Variants in SPOCK3 observed in about 807,000 individuals in gnomAD.
The protein encoded by SPOCK3 is testican-3.
In SPOCK3, 30 loss-of-function variants were observed where a neutral mutation model predicts 56.6. The observed-to-expected ratio is 0.53, with a 90% CI of 0.40 to 0.72. The LOEUF is 0.72. SPOCK3 is among the 30% of genes least tolerant of loss of function. The pLI is 0.00. For synonymous variants in SPOCK3, 196 were observed against 183.3 expected, an observed-to-expected ratio of 1.07 and a Z score of -0.56; for missense variants, 527 against 530.0, an observed-to-expected ratio of 0.99 and a Z score of 0.06.
chr4:166,811,910 C>T (rs1743850926), intron 6 of SPOCK3, among the ~76,000 whole-genome samples: 1 of 151,638 alleles, frequency 6.6e-6, no homozygotes. Flanking sequence ...ATTGAGACTG[C>T]CTAGATTGGC....
At chr4:167,102,212 A>G (rs1317736932) in intron 2 of SPOCK3, among the ~76,000 whole-genome samples, 3 of 152,000 alleles carry the variant, frequency 2.0e-5, no homozygotes, top group African/African-American at 7.2e-5. Flanking sequence ...CTCTTTTTTC[A>G]GCTGTTATTT....
At chr4:167,161,014 C>T (rs975283875) in intron 2 of SPOCK3, among the ~76,000 whole-genome samples, 2 of 152,042 alleles carry the variant, frequency 1.3e-5, no homozygotes, top group Non-Finnish European at 2.9e-5. Context: ...ACACCAAAAG[C>T]CATGGCAACA....
intron 6 of SPOCK3, among the ~76,000 whole-genome samples, chr4:166,799,668 C>T (rs1191796496): frequency 6.6e-6 from 1 of 152,126 alleles, no homozygotes; most frequent in East Asian, 1.9e-4. Flanking sequence ...TGGCAAACAA[C>T]TTTAATCTGC....
chr4:167,203,550 T>A (rs1733723532), intron 2 of SPOCK3, among the ~76,000 whole-genome samples: 1 of 139,964 alleles, frequency 7.1e-6, no homozygotes, highest in Non-Finnish European at 1.5e-5. Context: ...GATATTTCTA[T>A]CTGATTAAAA....
chr4:166,990,449 T>A (rs1254208060), intron 4 of SPOCK3, among the ~76,000 whole-genome samples: 1 of 151,884 alleles, frequency 6.6e-6, no homozygotes. Context: ...AAGAAAATAG[T>A]AAAATAAAGC....
chr4:166,920,771 C>T (rs996197208), intron 4 of SPOCK3, among the ~76,000 whole-genome samples: 1 of 152,064 alleles, frequency 6.6e-6, no homozygotes, highest in African/African-American at 2.4e-5. Context: ...ATTGAAAACA[C>T]ATTTTTATAT....
chr4:167,071,274 G>T (rs1756649267), intron 2 of SPOCK3, among the ~76,000 whole-genome samples: 1 of 152,016 alleles, frequency 6.6e-6, no homozygotes, highest in South Asian at 2.1e-4. Context: ...AAGTTCTAAG[G>T]TACATGTGCA....
At chr4:167,193,801 T>C (rs1732682812) in intron 2 of SPOCK3, among the ~76,000 whole-genome samples, 1 of 145,908 alleles carries the variant, frequency 6.9e-6, no homozygotes, top group Non-Finnish European at 1.5e-5. Flanking sequence ...TTTAATTTTT[T>C]CTCTGTCTGA....
intron 4 of SPOCK3, among the ~76,000 whole-genome samples, chr4:166,927,027 T>C (rs757575589): frequency 1.6e-4 from 25 of 152,066 alleles, no homozygotes; most frequent in Non-Finnish European, 2.2e-4. Flanking sequence ...CTCTAAAAAG[T>C]CCACATATAT....
chr4:167,205,892 A>T (rs185790785), intron 2 of SPOCK3, among the ~76,000 whole-genome samples: 1 of 151,862 alleles, frequency 6.6e-6, no homozygotes, highest in African/African-American at 2.4e-5. Flanking sequence ...TACAGGCATA[A>T]GCCACCGCAT....
chr4:166,923,283 G>A (rs1406018254), intron 4 of SPOCK3, among the ~76,000 whole-genome samples: 1 of 152,104 alleles, frequency 6.6e-6, no homozygotes, highest in Non-Finnish European at 1.5e-5. Context: ...TGATAATCTA[G>A]GATAAATTCT....
At chr4:166,747,178 C>CA (rs1305386932) in intron 8 of SPOCK3, among the ~76,000 whole-genome samples, 3 of 152,028 alleles carry the variant, frequency 2.0e-5, no homozygotes, top group African/African-American at 4.8e-5. Flanking sequence ...AGAGACACAG[C>CA]AAACAAAGAG....
chr4:167,083,325 A>G (rs1206561418), intron 2 of SPOCK3: 7 of 764,076 alleles, frequency 9.2e-6, no homozygotes, highest in Non-Finnish European at 1.7e-5. Flanking sequence ...GAGATGCCCC[A>G]CAGTTCCCCA....
chr4:166,917,636 TAGTG>T (rs1400900931), intron 4 of SPOCK3, among the ~76,000 whole-genome samples: 2 of 152,166 alleles, frequency 1.3e-5, no homozygotes, highest in Non-Finnish European at 2.9e-5. Context: ...TCACTTGTGA[TAGTG>T]AGTGAGTTCT....
intron 8 of SPOCK3, among the ~76,000 whole-genome samples, chr4:166,745,453 C>T (rs1735479255): frequency 6.6e-6 from 1 of 152,168 alleles, no homozygotes; most frequent in South Asian, 2.1e-4. Flanking sequence ...GATTTTCTCA[C>T]CACCAGGCCT....
chr4:167,065,366 A>T (rs1431118482), intron 2 of SPOCK3, among the ~76,000 whole-genome samples: 1 of 151,892 alleles, frequency 6.6e-6, no homozygotes, highest in Non-Finnish European at 1.5e-5. Context: ...GATGAGCAGG[A>T]ATTAGGGGAA....
chr4:166,741,284 T>A lies in SPOCK3; in HGVS notation c.994+713A>T, dbSNP rs9992068. ...CTAATTTCTTAGATATTTACAAATG[T>A]TTCATCGTTATTTGGCACATGCAAG... is the stretch of plus-strand genomic sequence containing the variant. On this transcript the variant is annotated intron_variant, in intron 9 of 10. Coordinates refer to ENST00000357545, the MANE Select transcript of SPOCK3 (RefSeq NM_001040159.2). 9.6e-3 allele frequency among the ~76,000 whole-genome samples: 1,457 copies of A among 152,316 alleles called. 26 individuals carry two copies. The highest frequency in any genetic ancestry group is 0.033 in the African/African-American group (1,378 of 41,564).
chr4:167,137,019 C>T (rs1043275636), intron 2 of SPOCK3, among the ~76,000 whole-genome samples: 2 of 152,020 alleles, frequency 1.3e-5, no homozygotes, highest in Non-Finnish European at 2.9e-5. Flanking sequence ...AAAAATCCAG[C>T]ATTATAATTC....
intron 6 of SPOCK3, among the ~76,000 whole-genome samples, chr4:166,880,674 G>C (rs1417997182): frequency 2.6e-5 from 4 of 152,036 alleles, no homozygotes; most frequent in African/African-American, 9.7e-5. Context: ...ATCTTCTCAG[G>C]AGTTATCATT....
Sources: allele counts gnomAD v4.1 joint callset (sites outside exome capture counted in the v4.1 genomes callset), GRCh38; gene constraint gnomAD v4.1.1; transcripts MANE v1.5; gene names NCBI Gene and HGNC (gene_info 2026-07-23, HGNC 2026-07-21).